COG5: variants seen among roughly 807,000 people sequenced by gnomAD.
The protein encoded by COG5 is conserved oligomeric Golgi complex subunit 5.
COG5 carries 86 observed loss-of-function variants against 110.4 expected under a neutral mutation model. The ratio of observed to expected loss-of-function variants is 0.78; its 90% CI spans 0.65 to 0.93. The LOEUF (loss-of-function observed/expected upper bound fraction) is 0.93, where lower values mean the gene tolerates loss of function less well. Among genes scored for constraint, COG5 ranks in the 40% least tolerant of loss-of-function variants. The pLI is 0.00. For synonymous variants in COG5, 360 were observed against 334.6 expected (o/e 1.08, Z -0.83); for missense variants, 1,077 against 987.0 (o/e 1.09, Z -1.22).
chr7:107,449,761 G>C (rs546623057), intron 6 of COG5, among the ~76,000 whole-genome samples: 1 of 152,050 alleles, frequency 6.6e-6, no homozygotes, highest in Admixed American at 6.6e-5. Context: ...AAATGAATCC[G>C]GCATAAGGAC....
chr7:107,243,333 G>A (rs1346046537), intron 17 of COG5, among the ~76,000 whole-genome samples: 1 of 151,790 alleles, frequency 6.6e-6, no homozygotes, highest in East Asian at 1.9e-4. Context: ...CTAACACGGT[G>A]AAACCCCGTC....
At position 107,256,764 on chromosome 7, in the gene COG5, C is replaced by A. The variant is rs1448431490; in HGVS notation, c.1717G>T (p.Ala573Ser). Residue 573 changes from alanine to serine, a missense_variant, in exon 16 of 22, where the codon GCA becomes TCA. Ala to Ser is a moderately conservative substitution (Grantham distance 99). Transcript: ENST00000297135. ...VVSSQSSFPLAAEQTIISALK... is the reference protein window; with the variant it reads ...VVSSQSSFPLSAEQTIISALK... Reference sequence around the variant, plus strand: ...GCTGAAATTATAGTTTGCTCAGCTGCCAGTGGGAATGAGCTCTGACTGGAA... The same window carrying A: ...GCTGAAATTATAGTTTGCTCAGCTGACAGTGGGAATGAGCTCTGACTGGAA... 6.2e-7 allele frequency: 1 copy of A among 1,610,984 alleles called. No individual in the cohort carries two copies. Among genetic ancestry groups the A allele is most frequent in the South Asian group, 1.1e-5 (1 of 90,872 alleles).
chr7:107,357,367 T>C (rs1001750889), intron 10 of COG5, among the ~76,000 whole-genome samples: 13 of 152,186 alleles, frequency 8.5e-5, no homozygotes, highest in Non-Finnish European at 1.2e-4. Flanking sequence ...ATCTTTTCTA[T>C]AGATAGGTAC....
intron 7 of COG5, among the ~76,000 whole-genome samples, chr7:107,386,476 G>A (rs1427859321): frequency 6.6e-6 from 1 of 152,092 alleles, no homozygotes; most frequent in African/African-American, 2.4e-5. Context: ...GAAGCACGAC[G>A]GACCGCCGAA....
intron 19 of COG5, among the ~76,000 whole-genome samples, chr7:107,218,495 T>C (rs1047819686): frequency 1.3e-5 from 2 of 151,998 alleles, no homozygotes; most frequent in Admixed American, 1.3e-4. Flanking sequence ...TACTGGCATA[T>C]AAATAGAAAC....
intron 16 of COG5, 83 bp from the exon 17 acceptor site, chr7:107,248,582 C>A: frequency 1.1e-6 from 1 of 881,152 alleles, no homozygotes; most frequent in Non-Finnish European, 1.8e-6. Flanking sequence ...TGAGAAACAC[C>A]GTGACTAACA....
rs992013864 is a variant in COG5 at position 107,257,180 on chromosome 7, T to C, written c.1687-386A>G. Among the ~76,000 whole-genome samples, 4 of 152,152 alleles carry C rather than the reference T, an allele frequency of 2.6e-5. No homozygotes were observed. The South Asian group carries it at 6.2e-4, about 24-fold the overall frequency. On this transcript the variant is annotated intron_variant, in intron 15 of 21. Transcript: ENST00000297135. The stretch of plus-strand genomic sequence containing the variant: ...AGTCTTTAAAATAAAAATGTCAGCA[T>C]TTCAATTTTTACAAATCAATACAAA...
intron 11 of COG5, among the ~76,000 whole-genome samples, chr7:107,314,798 A>C (rs1383359862): frequency 6.6e-6 from 1 of 152,156 alleles, no homozygotes; most frequent in Non-Finnish European, 1.5e-5. Flanking sequence ...GCAGGATTTT[A>C]ATCAGAAAAT....
intron 11 of COG5, among the ~76,000 whole-genome samples, chr7:107,303,773 G>A (rs1014378621): frequency 7.2e-5 from 11 of 152,030 alleles, no homozygotes; most frequent in Non-Finnish European, 1.2e-4. Flanking sequence ...TATTTGATAT[G>A]TAGTTATAAA....
chr7:107,258,588 T>C (rs530036325), intron 14 of COG5: 2 of 598,284 alleles, frequency 3.3e-6, no homozygotes, highest in East Asian at 2.8e-5. Context: ...GCAATCTGTG[T>C]AGAGAAAACA....
rs1212652543 is a variant in COG5, at chr7:107,211,099, C to G, written c.2295G>C (p.Gln765His). 6.2e-7 allele frequency: 1 copy of G among 1,614,008 alleles called. No individual in the cohort carries two copies. Among genetic ancestry groups the G allele is most frequent in the Non-Finnish European group, 8.5e-7 (1 of 1,179,974 alleles). Residue 765 changes from glutamine (Q) to histidine (H), a missense_variant and splice_region_variant, in exon 20 of 22, where the codon CAG becomes CAC. Transcript: ENST00000297135. The stretch of plus-strand genomic sequence containing the variant: ...GTTCTGGCTTGACTTTATTTATTAC[C>G]TGGAAAGGAGATTTCAGTTCAGCGG... ...RAPAELKSPF[Q>H]RAEWSHTRFS... is the part of the protein sequence containing the mutation.
intron 17 of COG5, among the ~76,000 whole-genome samples, chr7:107,246,964 C>G (rs1802104600): frequency 1.3e-5 from 2 of 152,178 alleles, no homozygotes; most frequent in African/African-American, 4.8e-5. Flanking sequence ...GACATGCAAT[C>G]AACCTAAATG....
At chr7:107,410,731 C>T (rs915015352) in intron 7 of COG5, among the ~76,000 whole-genome samples, 4 of 152,084 alleles carry the variant, frequency 2.6e-5, no homozygotes, top group African/African-American at 9.6e-5. Flanking sequence ...TGTGAGCCAC[C>T]GTGCCCGGCC....
At chr7:107,469,049 A>G (rs1322320634) in intron 6 of COG5, among the ~76,000 whole-genome samples, 1 of 150,186 alleles carries the variant, frequency 6.7e-6, no homozygotes, top group East Asian at 1.9e-4. Flanking sequence ...TTTTTAATTT[A>G]AATATTTAAA....
chr7:107,294,827 T>C (rs1383281240), intron 12 of COG5, among the ~76,000 whole-genome samples: 4 of 141,846 alleles, frequency 2.8e-5, no homozygotes, highest in African/African-American at 1.0e-4. Context: ...GCAGTTTTCC[T>C]GCCTCAGCCT....
At chr7:107,276,501 ATC>A (rs1804712501) in intron 14 of COG5, among the ~76,000 whole-genome samples, 1 of 152,156 alleles carries the variant, frequency 6.6e-6, no homozygotes, top group Non-Finnish European at 1.5e-5. Flanking sequence ...GAGACCCTCC[ATC>A]GCTACAAAAA....
intron 18 of COG5, among the ~76,000 whole-genome samples, chr7:107,236,096 A>G (rs564834429): frequency 1.3e-5 from 2 of 152,338 alleles, no homozygotes; most frequent in Admixed American, 1.3e-4. Flanking sequence ...ATATGATTTC[A>G]TTGCCTACAT....
rs762082725 is a variant in COG5 at position 107,203,607 on chromosome 7, T to C, written c.2399A>G (p.Gln800Arg). The change falls in exon 22 of 22, where the codon CAA becomes CGA. Residue 800 changes from glutamine (Q) to arginine (R), a missense_variant. Physicochemically the swap from Gln to Arg is conservative, Grantham distance 43. Transcript: ENST00000297135. Reference sequence around the variant, plus strand: ...TTTGCCTTCTCTACTTCTCACTGATTGAACATAAGCTTCCAGGGCTCCCCT... The same window carrying C: ...TTTGCCTTCTCTACTTCTCACTGATCGAACATAAGCTTCCAGGGCTCCCCT... ...LIRGALEAYV[Q>R]SVRSREGKEF... 8 of 1,613,818 alleles carry C rather than the reference T, an allele frequency of 5.0e-6. No individual in the cohort carries two copies. The East Asian group carries it at 1.8e-4, about 36-fold the overall frequency.
At chr7:107,511,511 T>C (rs1047386693) in intron 6 of COG5, among the ~76,000 whole-genome samples, 6 of 152,022 alleles carry the variant, frequency 3.9e-5, no homozygotes, top group Non-Finnish European at 7.4e-5. Flanking sequence ...TTCCAATCAA[T>C]AGAAAAAGAG....
Sources: allele counts gnomAD v4.1 joint callset (sites outside exome capture counted in the v4.1 genomes callset), GRCh38; gene constraint gnomAD v4.1.1; transcripts MANE v1.5; gene names NCBI Gene and HGNC (gene_info 2026-07-23, HGNC 2026-07-21).